The following WDR48 variants were observed in gnomAD, a reference collection of about 807,000 sequenced individuals.
WDR48 encodes the protein WD repeat domain 48.
In WDR48, 22 loss-of-function variants were observed where a neutral mutation model predicts 94.0. That is an observed-to-expected ratio of 0.23 (90% CI 0.17 to 0.33). The LOEUF is 0.33. Ranked by LOEUF, WDR48 falls within the 10% of genes least tolerant of loss-of-function variation. WDR48 has a pLI of 1.00. For synonymous variants in WDR48, 278 were observed against 280.5 expected (o/e 0.99, Z 0.09); for missense variants, 541 against 813.8 (o/e 0.66, Z 4.08).
chr3:39,094,578 C>T (rs764002604), intron 18 of WDR48, 70 bp from the exon 19 acceptor site: 9 of 1,591,186 alleles, frequency 5.7e-6, no homozygotes, highest in Non-Finnish European at 6.8e-6. Context: ...TGATGAGAGT[C>T]CCTGAGTTAA....
At chr3:39,052,952 C>T (rs1259306374) in intron 1 of WDR48, among the ~76,000 whole-genome samples, 1 of 152,184 alleles carries the variant, frequency 6.6e-6, no homozygotes, top group East Asian at 1.9e-4. Flanking sequence ...AGCAAACCAG[C>T]ATGGCACACG....
At chr3:39,094,487 T>C in intron 18 of WDR48, 161 bp from the exon 19 acceptor site, 1 of 1,535,362 alleles carries the variant, frequency 6.5e-7, no homozygotes, top group Non-Finnish European at 8.7e-7. Context: ...CTAAGCTCAA[T>C]TTCATTCCCG....
chr3:39,065,874 T>A lies in WDR48; in HGVS notation c.253T>A (p.Cys85Ser). The change falls in exon 3 of 19, where the codon TGT becomes AGT. Residue 85 changes from cysteine to serine, a missense_variant. Cys to Ser is a moderately radical substitution (Grantham distance 112, BLOSUM62 -1). Around this residue, in one of 5 missense-constraint regions of WDR48, gnomAD observed 90 missense variants for 122.3 expected, o/e 0.74. Transcript: ENST00000302313. ...TDWVNDIVLC[C>S]NGKTLISASS... is the part of the protein sequence containing the mutation. ...TTGGGTAAACGACATTGTACTCTGT[T>A]GTAATGGGAAAACATGTAAGTATTT... 6.3e-7 allele frequency: 1 copy of A among 1,596,814 alleles called. No homozygotes were observed. The highest frequency in any genetic ancestry group is 1.1e-5 in the South Asian group (1 of 87,044).
intron 1 of WDR48, among the ~76,000 whole-genome samples, chr3:39,059,718 A>ATT (rs1194650096): frequency 2.0e-5 from 3 of 152,228 alleles, no homozygotes; most frequent in African/African-American, 7.2e-5. Flanking sequence ...GGCCCTTTTT[A>ATT]AAGGACAAAT....
At chr3:39,092,694 G>C (rs1252988448) in intron 17 of WDR48, among the ~76,000 whole-genome samples, 2 of 152,086 alleles carry the variant, frequency 1.3e-5, no homozygotes, top group Non-Finnish European at 2.9e-5. Context: ...TGAACAATAT[G>C]TATTCTAGCA....
chr3:39,065,197 G>C (rs916355595), intron 2 of WDR48, among the ~76,000 whole-genome samples: 2 of 152,176 alleles, frequency 1.3e-5, no homozygotes, highest in African/African-American at 4.8e-5. Flanking sequence ...GTAGAATCTC[G>C]AATCACCTAA....
intron 15 of WDR48, 139 bp from the exon 16 acceptor site, chr3:39,089,092 T>G: frequency 1.4e-6 from 1 of 697,846 alleles, no homozygotes; most frequent in South Asian, 2.2e-5. Context: ...TCTTCCAGGC[T>G]GTACTTTTAT....
Position 39,065,892 on chromosome 3 carries a change from A to T in WDR48, c.268+3A>T. 6.3e-7 allele frequency: 1 copy of T among 1,576,676 alleles called. No individual in the cohort carries two copies. Among genetic ancestry groups the T allele is most frequent in the Non-Finnish European group, 8.6e-7 (1 of 1,166,292 alleles). ...ACTCTGTTGTAATGGGAAAACATGTAAGTATTTCTTTGGATTATTATTGGG... is the reference window on the plus strand; with the variant it reads ...ACTCTGTTGTAATGGGAAAACATGTTAGTATTTCTTTGGATTATTATTGGG... On this transcript the variant is annotated splice_donor_region_variant and intron_variant, in intron 3 of 18. Coordinates refer to ENST00000302313, the MANE Select transcript of WDR48 (RefSeq NM_020839.4).
chr3:39,093,881 C>T lies in WDR48; in HGVS notation c.1753C>T (p.Leu585Phe), dbSNP rs1196906553. 6.3e-7 allele frequency: 1 copy of T among 1,598,958 alleles called. No individual in the cohort carries two copies. Among genetic ancestry groups the T allele is most frequent in the South Asian group, 1.1e-5 (1 of 87,874 alleles). Residue 585 changes from leucine (L) to phenylalanine (F), a missense_variant, in exon 18 of 19, where the codon CTC becomes TTC. Leu to Phe is a conservative substitution (Grantham distance 22). This residue lies in a region of WDR48 where 109 missense variants were observed against 195.5 expected (regional missense o/e 0.56). Coordinates refer to ENST00000302313, the MANE Select transcript of WDR48 (RefSeq NM_020839.4). ...GCCATTGCTTTTTTACAGAGATAGA[C>T]TCTCTGCTAGTGACATGCTCCAAGT... ...SGAKTLKKDR[L>F]SASDMLQVRK... is the part of the protein sequence containing the mutation.
intron 13 of WDR48, 73 bp from the exon 14 acceptor site, chr3:39,085,442 T>G: frequency 1.7e-6 from 2 of 1,176,896 alleles, no homozygotes; most frequent in Non-Finnish European, 2.5e-6. Flanking sequence ...CTTACAATTT[T>G]TATTCTATTT....
intron 8 of WDR48, 102 bp from the exon 9 acceptor site, chr3:39,077,037 A>C: frequency 7.6e-7 from 1 of 1,309,600 alleles, no homozygotes; most frequent in Non-Finnish European, 1.1e-6. Flanking sequence ...TATAGTCACC[A>C]CAATTGTTGA....
At chr3:39,091,426 C>G in intron 16 of WDR48, 199 bp from the exon 17 acceptor site, 2 of 441,664 alleles carry the variant, frequency 4.5e-6, no homozygotes, top group Non-Finnish European at 8.2e-6. Flanking sequence ...TTCATATTAC[C>G]TCTAATGTTA....
intron 16 of WDR48, 82 bp from the exon 17 acceptor site, chr3:39,091,543 C>T: frequency 9.8e-7 from 1 of 1,015,562 alleles, no homozygotes; most frequent in Non-Finnish European, 1.4e-6. Context: ...TTATTACTTG[C>T]AAGTCATGTT....
intron 7 of WDR48, among the ~76,000 whole-genome samples, chr3:39,073,402 C>T (rs1410639539): frequency 6.6e-6 from 1 of 152,138 alleles, no homozygotes; most frequent in African/African-American, 2.4e-5. Context: ...TTAGAGTTCT[C>T]AAGGGCCCTT....
Position 39,066,815 on chromosome 3 carries a change from A to G in WDR48, c.421A>G (p.Ile141Val), listed in dbSNP as rs367725278. The G allele has an allele frequency of 2.1e-5, 34 of 1,614,060 alleles. No homozygotes were observed. Among genetic ancestry groups the G allele is most frequent in the Non-Finnish European group, 2.8e-5 (33 of 1,179,934 alleles). Residue 141 changes from isoleucine to valine, a missense_variant, in exon 5 of 19, where the codon ATA (isoleucine) becomes GTA (valine). By Grantham distance (29) the Ile-to-Val change is conservative. This residue lies in a region of WDR48 where 104 missense variants were observed against 189.7 expected (regional missense o/e 0.55). Coordinates refer to ENST00000302313, the MANE Select transcript of WDR48 (RefSeq NM_020839.4). ...LVASAGLDRQIFLWDVNTLTA... is the reference protein window; with the variant it reads ...LVASAGLDRQVFLWDVNTLTA... ...AGCATCAGCTGGGTTGGACAGACAA[A>G]TATTCCTTTGGGATGTGAATACTCT...
intron 1 of WDR48, among the ~76,000 whole-genome samples, chr3:39,058,284 T>G (rs1318176738): frequency 1.3e-5 from 2 of 152,190 alleles, no homozygotes; most frequent in Non-Finnish European, 2.9e-5. Context: ...TTTAAGTGAT[T>G]GAATAGTGTT....
At chr3:39,074,313 T>C (rs1351522035) in intron 7 of WDR48, among the ~76,000 whole-genome samples, 2 of 152,242 alleles carry the variant, frequency 1.3e-5, no homozygotes, top group African/African-American at 4.8e-5. Context: ...ATAGGTGTCA[T>C]TCATCTAGTT....
chr3:39,075,633 A>G (rs2034181193), intron 8 of WDR48, among the ~76,000 whole-genome samples: 1 of 152,138 alleles, frequency 6.6e-6, no homozygotes, highest in Non-Finnish European at 1.5e-5. Flanking sequence ...GCCAGTCGAC[A>G]TGTTCAACCT....
intron 3 of WDR48, 105 bp from the exon 4 acceptor site, chr3:39,066,443 A>T: frequency 1.0e-6 from 1 of 960,762 alleles, no homozygotes; most frequent in Non-Finnish European, 1.6e-6. Context: ...TGTGTGTAAG[A>T]GAGAGAATAT....
Sources: allele counts gnomAD v4.1 joint callset (sites outside exome capture counted in the v4.1 genomes callset), GRCh38; gene constraint gnomAD v4.1.1; regional missense constraint gnomAD v4.1.1; transcripts MANE v1.5; gene names NCBI Gene and HGNC (gene_info 2026-07-23, HGNC 2026-07-21).